Variants in ANKRD26 observed in about 807,000 individuals in gnomAD.
ANKRD26 encodes ankyrin repeat domain-containing protein 26.
ANKRD26 carries 141 observed loss-of-function variants against 208.7 expected under a neutral mutation model. The observed-to-expected ratio is 0.68, with a 90% confidence interval of 0.59 to 0.78. The LOEUF is 0.78. Ranked by LOEUF, ANKRD26 falls within the 30% of genes least tolerant of loss-of-function variation. ANKRD26 has a pLI of 0.00. For missense variants in ANKRD26, 1,889 were observed against 1,938.7 expected, an observed-to-expected ratio of 0.97 and a Z score of 0.48; for synonymous variants, 636 against 660.4, an observed-to-expected ratio of 0.96 and a Z score of 0.57.
In ANKRD26 at chr10:27,010,900, A is replaced by C. The variant is rs540903812; in HGVS notation, c.4953+1982T>G. Among the ~76,000 whole-genome samples the C allele has an allele frequency of 8.0e-4, 122 of 152,320 alleles. 3 individuals are homozygous for C. The South Asian group carries it at 0.018, about 22-fold the overall frequency. ...TAGACCCTGATCATCTCATTGTCAG[A>C]AAAATAAGACAAAACTAAGCTAACA... On this transcript the variant is annotated intron_variant, in intron 32 of 33. Coordinates refer to ENST00000376087, the MANE Select transcript of ANKRD26 (RefSeq NM_014915.3).
intron 4 of ANKRD26, among the ~76,000 whole-genome samples, chr10:27,089,666 C>T (rs946320785): frequency 6.6e-6 from 1 of 152,170 alleles, no homozygotes; most frequent in African/African-American, 2.4e-5. Flanking sequence ...GTGGTATGTG[C>T]TTGTAGTCCC....
At position 27,100,132 on chromosome 10, in the gene ANKRD26, G is replaced by A; in HGVS notation, c.195C>T (p.Ile65=). ...TCAAGCCATTCTTCCTGAGCAAAAG[G>A]ATCTGCTGCACTTTCGCCACATTAC... ...SAGNVAKVQQ[I]LLLRKNGLND... is the part of the protein sequence containing the mutation. Residue 65 remains isoleucine (I), a synonymous_variant, in exon 1 of 34, where the codon ATC becomes ATT. Coordinates refer to ENST00000376087, the MANE Select transcript of ANKRD26 (RefSeq NM_014915.3). The A allele has an allele frequency of 3.1e-6, 5 of 1,614,148 alleles. No individual in the cohort carries two copies. The highest frequency in any genetic ancestry group is 3.4e-6 in the Non-Finnish European group (4 of 1,179,996).
chr10:26,974,189 C>T (rs542663019), exon 6 of ANKRD26, among the ~76,000 whole-genome samples: 1 of 152,210 alleles, frequency 6.6e-6, no homozygotes, highest in East Asian at 1.9e-4. Flanking sequence ...TACTTACATG[C>T]TATTGTTGCT....
the ANKRD26 span, among the ~76,000 whole-genome samples, chr10:26,963,848 G>A: frequency 9.9e-3 from 1,327 of 134,474 alleles, 19 homozygotes; most frequent in African/African-American, 0.035. Context: ...AACTCTATTG[G>A]TTTTGTTTGT....
At chr10:26,954,921 A>C in the ANKRD26 span, among the ~76,000 whole-genome samples, 1 of 149,964 alleles carries the variant, frequency 6.7e-6, no homozygotes, top group Non-Finnish European at 1.5e-5. Context: ...GGCAGCTATC[A>C]AATGCGGGAT....
intron 12 of ANKRD26, among the ~76,000 whole-genome samples, chr10:27,061,559 A>T (rs865952842): frequency 0.011 from 1,419 of 134,212 alleles, 30 homozygotes; most frequent in African/African-American, 0.037. Flanking sequence ...TGCAACATCT[A>T]TTTTTTTTTT....
Position 27,022,573 on chromosome 10 carries a change from A to G in ANKRD26, c.4200T>C (p.Asn1400=). ...TSQFEMDIQI[N]KLKHKIDDLT... is the part of the protein sequence containing the mutation. ...TAAAAATTACCTTATGTTTTAGCTT[A>G]TTAATCTGAATATCCATTTCAAATT... Residue 1400 remains asparagine (N), a synonymous_variant, in exon 29 of 34, where the codon AAT becomes AAC. Coordinates refer to ENST00000376087, the MANE Select transcript of ANKRD26 (RefSeq NM_014915.3). 6.5e-7 allele frequency: 1 copy of G among 1,534,490 alleles called. No homozygotes were observed. The highest frequency in any genetic ancestry group is 9.0e-7 in the Non-Finnish European group (1 of 1,115,240).
chr10:27,002,887 T>A (rs140261601), downstream of ANKRD26, among the ~76,000 whole-genome samples: 340 of 152,298 alleles, frequency 2.2e-3, 1 homozygote, highest in African/African-American at 8.0e-3. Context: ...TATCACTCAC[T>A]GACGCACCCA....
Position 27,080,979 on chromosome 10 carries a change from T to C in ANKRD26, c.741-1818A>G, listed in dbSNP as rs558678290. ...ACACCTGCCCTGGGCCACAGATCTA[T>C]GTAGTTCAGCAGCCTCCAGCTCCAA... On this transcript the variant is annotated intron_variant, in intron 6 of 33. Transcript: ENST00000376087. 4 of 984,862 alleles carry C rather than the reference T, an allele frequency of 4.1e-6. No homozygotes were observed. The South Asian group carries it at 1.4e-4, about 35-fold the overall frequency. The allele number at this position is 984,862 out of a possible 1,614,324, so 61.0% of individuals were successfully genotyped here. A position where few individuals can be genotyped will look rare whatever the true frequency, so the allele number is the denominator to read the frequency against.
intron 4 of ANKRD26, among the ~76,000 whole-genome samples, chr10:26,995,299 T>C (rs760636524): frequency 2.0e-5 from 3 of 152,088 alleles, no homozygotes; most frequent in Non-Finnish European, 4.4e-5. Flanking sequence ...ACACAAACAG[T>C]AGGAAGGGAA....
chr10:26,950,771 C>A, the ANKRD26 span, among the ~76,000 whole-genome samples: 1 of 152,070 alleles, frequency 6.6e-6, no homozygotes, highest in Non-Finnish European at 1.5e-5. Flanking sequence ...TATAAATGAC[C>A]CAGTCTCAGG....
the ANKRD26 span, among the ~76,000 whole-genome samples, chr10:26,968,669 C>T: frequency 1.4e-4 from 22 of 152,126 alleles, no homozygotes; most frequent in Non-Finnish European, 2.5e-4. Context: ...GTTGAGGAAA[C>T]GTGGAGGCTG....
rs200775533 is a variant in ANKRD26, at chr10:27,033,293, G to A, written c.3739C>T (p.Arg1247Cys). 1.3e-5 allele frequency: 21 copies of A among 1,612,398 alleles called. No individual in the cohort carries two copies. The highest frequency in any genetic ancestry group is 8.9e-5 in the East Asian group (4 of 44,748). ...TCATCTTCTAAATTAATACGATAAC[G>A]TGACGTAACCTCCAGTGAAGCCTCT... ...MSEASLEVTSRYRINLEDETQ... is the reference protein window; with the variant it reads ...MSEASLEVTSCYRINLEDETQ... Residue 1247 changes from arginine to cysteine, a missense_variant, in exon 25 of 34, where the codon CGT (arginine) becomes TGT (cysteine). By Grantham distance (180) the Arg-to-Cys change is radical. This residue lies in a region of ANKRD26 where 613 missense variants were observed against 648.2 expected (regional missense o/e 0.95). Coordinates refer to ENST00000376087, the MANE Select transcript of ANKRD26 (RefSeq NM_014915.3).
the ANKRD26 span, among the ~76,000 whole-genome samples, chr10:26,947,938 C>A: frequency 2.0e-5 from 3 of 152,084 alleles, no homozygotes; most frequent in African/African-American, 7.2e-5. Flanking sequence ...AATGTATGAA[C>A]TTTTATTGCT....
chr10:26,991,562 C>G (rs888035364), downstream of ANKRD26, among the ~76,000 whole-genome samples: 3 of 152,050 alleles, frequency 2.0e-5, no homozygotes, highest in Admixed American at 2.0e-4. Context: ...CCTGCCTTAG[C>G]CTCCCGAGTA....
chr10:27,005,082 A>G lies in ANKRD26; in HGVS notation c.*508T>C. ...AAGGTTAATTAAAAATAAATAAACA[A>G]ACAGAAAAGGTGAATCAGGCAAATC... On this transcript the variant is annotated 3_prime_UTR_variant, in exon 34 of 34. Transcript: ENST00000376087. 5 of 984,894 alleles carry G rather than the reference A, an allele frequency of 5.1e-6. No homozygotes were observed. The highest frequency in any genetic ancestry group is 6.0e-6 in the Non-Finnish European group (5 of 829,426). The allele number at this position is 984,894 out of a possible 1,614,324, so 61.0% of individuals were successfully genotyped here.
intron 4 of ANKRD26, among the ~76,000 whole-genome samples, chr10:26,996,070 G>A (rs545111607): frequency 4.7e-4 from 71 of 152,146 alleles, no homozygotes; most frequent in Non-Finnish European, 9.0e-4. Flanking sequence ...GAGAAATACT[G>A]ACTGGGAGTG....
In ANKRD26 at chr10:27,040,152, C is replaced by A. The variant is rs767255528; in HGVS notation, c.2188G>T (p.Asp730Tyr). Residue 730 changes from aspartate to tyrosine, a missense_variant, in exon 21 of 34, where the codon GAT (aspartate) becomes TAT (tyrosine). By Grantham distance (160) the Asp-to-Tyr change is radical. This residue lies in a region of ANKRD26 where 1,272 missense variants were observed against 1,273.8 expected (regional missense o/e 1.00). Coordinates refer to ENST00000376087, the MANE Select transcript of ANKRD26 (RefSeq NM_014915.3). ...KDSVSLLKIQ[D>Y]AALSCERLLE... ...AATCTTTCACATGAAAGAGCTGCAT[C>A]CTGGATTTTCAATAGGCTAACAGAA... is the stretch of plus-strand genomic sequence containing the variant. The A allele has an allele frequency of 2.5e-5, 41 of 1,612,202 alleles. No homozygotes were observed. Among genetic ancestry groups the A allele is most frequent in the Non-Finnish European group, 3.3e-5 (39 of 1,179,306 alleles).
rs985366357 is a variant in ANKRD26, at chr10:27,086,886, C to T, written c.639-277G>A. Among the ~76,000 whole-genome samples, 5 of 150,180 alleles carry T rather than the reference C, an allele frequency of 3.3e-5. No homozygotes were observed. The South Asian group carries it at 1.1e-3, about 32-fold the overall frequency. On this transcript the variant is annotated intron_variant, in intron 4 of 33. Coordinates refer to ENST00000376087, the MANE Select transcript of ANKRD26 (RefSeq NM_014915.3). ...TCCCGGGTTCAAGTGATTCTCCTGC[C>T]TCAGCCTCCTGAATAGCTGGGATTA...
Sources: allele counts gnomAD v4.1 joint callset (sites outside exome capture counted in the v4.1 genomes callset), GRCh38; gene constraint gnomAD v4.1.1; regional missense constraint gnomAD v4.1.1; transcripts MANE v1.5; gene names NCBI Gene and HGNC (gene_info 2026-07-23, HGNC 2026-07-21).